The following LRRC3B variants were observed in gnomAD, a reference collection of about 807,000 sequenced individuals.
LRRC3B encodes leucine rich repeat containing 3B, also known as leucine-rich repeat-containing protein 3B.
A neutral mutation model predicts 12.8 loss-of-function variants in LRRC3B; 2 were observed. That is an observed-to-expected ratio of 0.16 (90% CI 0.06 to 0.49). The LOEUF is 0.49. Among genes scored for constraint, LRRC3B ranks in the 20% least tolerant of loss-of-function variants. The probability of loss-of-function intolerance (pLI) is 0.96; values close to 1 mark genes in which losing one functional copy is unlikely to be tolerated. For synonymous variants in LRRC3B, 132 were observed against 122.0 expected (o/e 1.08, Z -0.54); for missense variants, 189 against 319.4 (o/e 0.59, Z 3.11).
At chr3:26,631,592 T>G (rs1055477914) in intron 1 of LRRC3B, among the ~76,000 whole-genome samples, 3 of 151,846 alleles carry the variant, frequency 2.0e-5, no homozygotes, top group African/African-American at 7.3e-5. Context: ...TAACAGAATG[T>G]CCCTGTCTTG....
intron 1 of LRRC3B, among the ~76,000 whole-genome samples, chr3:26,692,030 A>G (rs1023830413): frequency 3.3e-5 from 5 of 152,228 alleles, no homozygotes; most frequent in African/African-American, 9.6e-5. Flanking sequence ...CTATCCACAC[A>G]TGTCCACTAA....
At chr3:26,657,217 A>G (rs1251296611) in intron 1 of LRRC3B, among the ~76,000 whole-genome samples, 1 of 152,220 alleles carries the variant, frequency 6.6e-6, no homozygotes, top group Non-Finnish European at 1.5e-5. Flanking sequence ...TGAAATAAAA[A>G]TAGTAAATTT....
At chr3:26,703,867 C>A (rs1250048776) in intron 1 of LRRC3B, among the ~76,000 whole-genome samples, 1 of 151,956 alleles carries the variant, frequency 6.6e-6, no homozygotes, top group Non-Finnish European at 1.5e-5. Flanking sequence ...CTCTTTCATG[C>A]ACTGAATAGT....
chr3:26,639,564 A>G (rs1407803563), intron 1 of LRRC3B, among the ~76,000 whole-genome samples: 2 of 151,066 alleles, frequency 1.3e-5, no homozygotes, highest in Non-Finnish European at 3.0e-5. Flanking sequence ...CAGTTAAATA[A>G]ACTTAAATAT....
chr3:26,710,177 A>G (rs1296169098), exon 2 of LRRC3B: 2 of 1,613,848 alleles, frequency 1.2e-6, no homozygotes, highest in Non-Finnish European at 1.7e-6. Context: ...GACAGCCCAC[A>G]ACGTGATCTG....
At chr3:26,632,687 A>G (rs963580272) in intron 1 of LRRC3B, among the ~76,000 whole-genome samples, 1 of 152,176 alleles carries the variant, frequency 6.6e-6, no homozygotes, top group Non-Finnish European at 1.5e-5. Context: ...CTGTTCTTAC[A>G]CAAGGAACAT....
exon 2 of LRRC3B, chr3:26,709,840 G>A (rs1254784062): frequency 6.2e-7 from 1 of 1,614,098 alleles, no homozygotes; most frequent in Non-Finnish European, 8.5e-7. Flanking sequence ...CAAATCTCAA[G>A]GAAATACCTA....
intron 1 of LRRC3B, among the ~76,000 whole-genome samples, chr3:26,702,482 GT>G (rs34102040): frequency 0.29 from 44,106 of 151,776 alleles, 6,924 homozygotes; most frequent in Middle Eastern, 0.4. Flanking sequence ...AGCTGGATTG[GT>G]TTCTGATAAA....
intron 1 of LRRC3B, among the ~76,000 whole-genome samples, chr3:26,647,480 T>C (rs4496439): frequency 0.41 from 62,600 of 151,966 alleles, 14,099 homozygotes; most frequent in African/African-American, 0.59. Flanking sequence ...AAGGGCTGTT[T>C]TGAAGATCAG....
chr3:26,634,923 T>G (rs1698834180), intron 1 of LRRC3B, among the ~76,000 whole-genome samples: 1 of 152,228 alleles, frequency 6.6e-6, no homozygotes, highest in Non-Finnish European at 1.5e-5. Flanking sequence ...TTATAATACG[T>G]TGAATGTTGG....
At chr3:26,629,995 A>G (rs1238879799) in intron 1 of LRRC3B, among the ~76,000 whole-genome samples, 1 of 150,714 alleles carries the variant, frequency 6.6e-6, no homozygotes, top group Non-Finnish European at 1.5e-5. Flanking sequence ...AAAAAAATCT[A>G]TCCAAAGGAA....
At chr3:26,675,756 T>C (rs976183333) in intron 1 of LRRC3B, among the ~76,000 whole-genome samples, 1 of 152,196 alleles carries the variant, frequency 6.6e-6, no homozygotes, top group African/African-American at 2.4e-5. Context: ...TTTGAAAATA[T>C]ACAGTGTTTT....
At chr3:26,650,605 A>G (rs745872352) in intron 1 of LRRC3B, among the ~76,000 whole-genome samples, 8 of 152,150 alleles carry the variant, frequency 5.3e-5, no homozygotes, top group Non-Finnish European at 1.0e-4. Flanking sequence ...ACCAAACACT[A>G]GCATTTCCAA....
In LRRC3B at chr3:26,671,294, C is replaced by T. The variant is rs1211490980; in HGVS notation, c.-160-38219C>T. Among the ~76,000 whole-genome samples, 196 of 139,266 alleles carry T rather than the reference C, an allele frequency of 1.4e-3. 1 individual carries two copies. The highest frequency in any genetic ancestry group is 5.0e-3 in the African/African-American group (185 of 36,806). The allele number at this position is 139,266 out of a possible 152,430, so 91.4% of individuals were successfully genotyped here. ...CCTCCCAAAGTGCTGGGATTACAGG[C>T]GTGAGCCACCGCGCCCGGCCTCATG... On this transcript the variant is annotated intron_variant, in intron 1 of 1. Transcript: ENST00000396641.
chr3:26,706,539 T>C (rs1206981420), intron 1 of LRRC3B, among the ~76,000 whole-genome samples: 1 of 152,058 alleles, frequency 6.6e-6, no homozygotes, highest in Non-Finnish European at 1.5e-5. Flanking sequence ...TAACAAGCAT[T>C]ACATCCAGTT....
At chr3:26,636,864 C>CCCTCCCTT (rs1698890584) in intron 1 of LRRC3B, among the ~76,000 whole-genome samples, 1 of 66,948 alleles carries the variant, frequency 1.5e-5, no homozygotes, top group Non-Finnish European at 2.8e-5. Context: ...CTCCCTCCCT[C>CCCTCCCTT]CCTTCCTTCC....
intron 1 of LRRC3B, among the ~76,000 whole-genome samples, chr3:26,633,347 A>G (rs1698800315): frequency 6.6e-6 from 1 of 152,170 alleles, no homozygotes; most frequent in South Asian, 2.1e-4. Flanking sequence ...AAATGGGTAT[A>G]ATAATAGGTA....
chr3:26,641,693 G>T (rs1699034870), intron 1 of LRRC3B, among the ~76,000 whole-genome samples: 1 of 152,036 alleles, frequency 6.6e-6, no homozygotes, highest in African/African-American at 2.4e-5. Context: ...ACCTTGAGGA[G>T]TTTTATCCTC....
chr3:26,651,595 T>TTGAATGAA (rs34871865), intron 1 of LRRC3B, among the ~76,000 whole-genome samples: 100 of 152,104 alleles, frequency 6.6e-4, no homozygotes, highest in African/African-American at 2.2e-3. Flanking sequence ...TAAATATCTG[T>TTGAATGAA]TGAATGAATG....
Sources: gnomAD v4.1 joint callset for allele counts (sites outside exome capture counted in the v4.1 genomes callset) on GRCh38, gnomAD v4.1.1 for gene constraint, MANE v1.5 for transcripts, NCBI Gene and HGNC (gene_info 2026-07-23, HGNC 2026-07-21) for gene names.